MDGA2: variants seen among roughly 807,000 people sequenced by gnomAD.
MDGA2 encodes MAM domain-containing glycosylphosphatidylinositol anchor protein 2.
Under a neutral mutation model 117.8 loss-of-function variants are expected in MDGA2, and 40 were observed. The ratio of observed to expected loss-of-function variants is 0.34; its 90% CI spans 0.26 to 0.44. The LOEUF is 0.44. MDGA2 is among the 20% of genes least tolerant of loss of function. The pLI, the probability that MDGA2 is intolerant of heterozygous loss-of-function variation, is 1.00. For synonymous variants in MDGA2, 452 were observed against 439.0 expected, an observed-to-expected ratio of 1.03 and a Z score of -0.37; for missense variants, 1,123 against 1,250.6, an observed-to-expected ratio of 0.90 and a Z score of 1.54.
chr14:47,118,603 A>T (rs903827225), intron 5 of MDGA2, among the ~76,000 whole-genome samples: 1 of 152,222 alleles, frequency 6.6e-6, no homozygotes, highest in African/African-American at 2.4e-5. Flanking sequence ...AAAACAAAAA[A>T]TACCATTTGT....
intron 6 of MDGA2, among the ~76,000 whole-genome samples, chr14:47,063,239 G>C (rs1889957616): frequency 6.6e-6 from 1 of 152,042 alleles, no homozygotes; most frequent in African/African-American, 2.4e-5. Context: ...TAATCTTAAT[G>C]AAAACATGAG....
At chr14:47,632,813 T>G (rs545761152) in intron 1 of MDGA2, among the ~76,000 whole-genome samples, 1 of 152,164 alleles carries the variant, frequency 6.6e-6, no homozygotes, top group African/African-American at 2.4e-5. Context: ...TCCTTCTGAT[T>G]AACACTTCAC....
intron 9 of MDGA2, among the ~76,000 whole-genome samples, chr14:46,928,126 T>C (rs1884400490): frequency 6.6e-6 from 1 of 152,126 alleles, no homozygotes; most frequent in South Asian, 2.1e-4. Flanking sequence ...AAATGTCTCA[T>C]TTCCCAGAAA....
intron 3 of MDGA2, among the ~76,000 whole-genome samples, chr14:47,185,451 G>T (rs188086191): frequency 6.1e-4 from 93 of 151,450 alleles, no homozygotes; most frequent in Admixed American, 1.4e-3. Context: ...TAAGCAATTT[G>T]CCTATTATTA....
chr14:47,187,521 C>T (rs756444376), intron 3 of MDGA2, among the ~76,000 whole-genome samples: 13 of 151,980 alleles, frequency 8.6e-5, no homozygotes, highest in Non-Finnish European at 1.8e-4. Context: ...CAATTTAATG[C>T]TTGTGAGATG....
chr14:47,517,665 AG>A (rs1174120145), intron 1 of MDGA2, among the ~76,000 whole-genome samples: 2 of 152,182 alleles, frequency 1.3e-5, no homozygotes, highest in African/African-American at 4.8e-5. Flanking sequence ...GGCAGCTCAT[AG>A]ACACCTCTGT....
At chr14:47,134,617 A>G (rs1882362187) in intron 4 of MDGA2, among the ~76,000 whole-genome samples, 1 of 151,966 alleles carries the variant, frequency 6.6e-6, no homozygotes, top group Non-Finnish European at 1.5e-5. Context: ...AATAAAACAA[A>G]TGAAAATCAG....
chr14:47,179,767 T>C (rs1345616974), intron 3 of MDGA2, among the ~76,000 whole-genome samples: 1 of 152,078 alleles, frequency 6.6e-6, no homozygotes, highest in African/African-American at 2.4e-5. Flanking sequence ...AATTCAAATA[T>C]TTCTTCTCAC....
At chr14:47,243,161 G>A (rs896726311) in intron 2 of MDGA2, among the ~76,000 whole-genome samples, 1 of 151,602 alleles carries the variant, frequency 6.6e-6, no homozygotes, top group African/African-American at 2.4e-5. Flanking sequence ...GTTTGTAAAT[G>A]CACCAATCGA....
At chr14:47,062,100 TCA>T (rs1200628365) in intron 6 of MDGA2, among the ~76,000 whole-genome samples, 1 of 152,040 alleles carries the variant, frequency 6.6e-6, no homozygotes, top group African/African-American at 2.4e-5. Flanking sequence ...TTGAGTCCAT[TCA>T]CATTCATGAA....
intron 2 of MDGA2, among the ~76,000 whole-genome samples, chr14:47,292,417 G>A (rs1163087252): frequency 6.6e-5 from 10 of 152,046 alleles, no homozygotes; most frequent in Non-Finnish European, 1.3e-4. Flanking sequence ...GGAGTCTGGG[G>A]AAATAACCGT....
chr14:47,584,980 C>T (rs565223124), intron 1 of MDGA2, among the ~76,000 whole-genome samples: 2 of 151,754 alleles, frequency 1.3e-5, no homozygotes, highest in Non-Finnish European at 2.9e-5. Context: ...ATCCCACTTC[C>T]CCATTCAAGC....
At chr14:47,041,653 T>C (rs1889075093) in intron 7 of MDGA2, among the ~76,000 whole-genome samples, 1 of 151,962 alleles carries the variant, frequency 6.6e-6, no homozygotes, top group South Asian at 2.1e-4. Flanking sequence ...AATAGACAAA[T>C]GATTTGAACA....
chr14:46,874,301 C>T (rs1411893542), intron 12 of MDGA2, 101 bp from the exon 13 acceptor site: 2 of 522,234 alleles, frequency 3.8e-6, no homozygotes, highest in South Asian at 8.5e-5. Context: ...AATAATAATG[C>T]AAGATTGTGA....
At chr14:46,975,087 T>C (rs1886405995) in intron 8 of MDGA2, among the ~76,000 whole-genome samples, 1 of 152,012 alleles carries the variant, frequency 6.6e-6, no homozygotes, top group Non-Finnish European at 1.5e-5. Flanking sequence ...AATAAGCACA[T>C]AAAGATGCTC....
intron 3 of MDGA2, among the ~76,000 whole-genome samples, chr14:47,175,026 C>A (rs555561082): frequency 4.1e-4 from 62 of 152,030 alleles, no homozygotes; most frequent in African/African-American, 1.3e-3. Flanking sequence ...AACACCTCTA[C>A]GCAAATAAAC....
At chr14:47,333,014 T>A (rs1301439970) in intron 1 of MDGA2, among the ~76,000 whole-genome samples, 2 of 151,980 alleles carry the variant, frequency 1.3e-5, no homozygotes, top group African/African-American at 2.4e-5. Context: ...TTCCATTGTA[T>A]CTCTATGCCA....
intron 7 of MDGA2, among the ~76,000 whole-genome samples, chr14:47,047,853 G>T (rs112432648): frequency 0.02 from 3,014 of 151,654 alleles, 105 homozygotes; most frequent in African/African-American, 0.068. Context: ...AAATTTTATT[G>T]CTGTTGTCTG....
chr14:46,988,518 G>A (rs1362984842), intron 8 of MDGA2, among the ~76,000 whole-genome samples: 1 of 152,064 alleles, frequency 6.6e-6, no homozygotes, highest in Non-Finnish European at 1.5e-5. Context: ...TCAGTTTTCA[G>A]AAGATTTAGT....
Sources: gnomAD v4.1 joint callset for allele counts (sites outside exome capture counted in the v4.1 genomes callset) on GRCh38, gnomAD v4.1.1 for gene constraint, MANE v1.5 for transcripts, NCBI Gene and HGNC (gene_info 2026-07-23, HGNC 2026-07-21) for gene names.